Variants in AIFM3 observed in about 807,000 individuals in gnomAD.
AIFM3 encodes the protein AIF family member 3.
AIFM3 carries 71 observed loss-of-function variants against 82.7 expected under a neutral mutation model. The ratio of observed to expected loss-of-function variants is 0.86; its 90% CI spans 0.71 to 1.05. The LOEUF is 1.05. AIFM3 is among the 50% of genes least tolerant of loss of function. The pLI is 0.00. For missense variants in AIFM3, 748 were observed against 816.7 expected, an observed-to-expected ratio of 0.92 and a Z score of 1.03; for synonymous variants, 337 against 329.1, an observed-to-expected ratio of 1.02 and a Z score of -0.26.
In AIFM3 at chr22:20,979,384, T is replaced by C; in HGVS notation, c.1576+15T>C. Reference sequence around the variant, plus strand: ...GCGCTACGCGGGTAACCCCGGGGCCTCGGATGGGGGCGGGGCCGAGGGCGT... The same window carrying C: ...GCGCTACGCGGGTAACCCCGGGGCCCCGGATGGGGGCGGGGCCGAGGGCGT... On this transcript the variant is annotated intron_variant, in intron 17 of 20. Coordinates refer to ENST00000440238, the MANE Select transcript of AIFM3 (RefSeq NM_001386814.1). 2 of 1,463,968 alleles carry C rather than the reference T, an allele frequency of 1.4e-6. No homozygotes were observed. The highest frequency in any genetic ancestry group is 1.8e-6 in the Non-Finnish European group (2 of 1,097,440). The allele number at this position is 1,463,968 out of a possible 1,614,324, so 90.7% of individuals were successfully genotyped here.
chr22:20,969,394 G>T (rs1319591582), intron 2 of AIFM3, among the ~76,000 whole-genome samples: 2 of 152,056 alleles, frequency 1.3e-5, no homozygotes, highest in African/African-American at 4.8e-5. Flanking sequence ...TGGGGCTGTT[G>T]TGCCTAGCAT....
At position 20,981,272 on chromosome 22, in the gene AIFM3, T is replaced by C; in HGVS notation, c.*241T>C. 1.7e-6 allele frequency: 1 copy of C among 572,744 alleles called. No individual in the cohort carries two copies. Among genetic ancestry groups the C allele is most frequent in the South Asian group, 2.0e-5 (1 of 50,074 alleles). 35.5% of individuals were successfully genotyped at this position (572,744 alleles called of 1,614,324 possible). A position where few individuals can be genotyped will look rare whatever the true frequency, so the allele number is the denominator to read the frequency against. On this transcript the variant is annotated 3_prime_UTR_variant, in exon 21 of 21. Transcript: ENST00000440238. ...CACTGGAGGCAGGACAAGCCCTGCC[T>C]CTTCTCCCTCTATTGGGACTGGTCC... is the stretch of plus-strand genomic sequence containing the variant.
chr22:20,978,145 C>G, intron 16 of AIFM3, 140 bp downstream of exon 16: 1 of 806,000 alleles, frequency 1.2e-6, no homozygotes, highest in Admixed American at 2.1e-5. Context: ...CTCTGGCCAG[C>G]CTCATCTCGG....
chr22:20,974,876 A>G (rs955931563), intron 8 of AIFM3, 60 bp downstream of exon 8: 15 of 1,565,412 alleles, frequency 9.6e-6, no homozygotes, highest in Non-Finnish European at 1.3e-5. Context: ...AGCCCACTTC[A>G]AGCCTTGCTT....
chr22:20,974,278 C>G lies in AIFM3; in HGVS notation c.492C>G (p.Tyr164Ter). 2 of 1,613,678 alleles carry G rather than the reference C, an allele frequency of 1.2e-6. No individual in the cohort carries two copies. The highest frequency in any genetic ancestry group is 1.1e-5 in the South Asian group (1 of 91,034). ...TGAAGATTGAGAAGGAGAAGGTGTACGTCCGGGCCAGCAAGCAGGTGAGGG... is the reference window on the plus strand; with the variant it reads ...TGAAGATTGAGAAGGAGAAGGTGTAGGTCCGGGCCAGCAAGCAGGTGAGGG... ...FQVKIEKEKV[Y>*]VRASKQALQL... Residue 164 changes from tyrosine (Y) to a stop codon, truncating the protein, a stop_gained, in exon 6 of 21, where the codon TAC becomes TAG. Transcript: ENST00000440238. LOFTEE classifies it high-confidence loss of function.
intron 8 of AIFM3, among the ~76,000 whole-genome samples, 188 bp downstream of exon 8, chr22:20,975,004 C>G (rs964011578): frequency 6.6e-6 from 1 of 152,198 alleles, no homozygotes; most frequent in Admixed American, 6.5e-5. Flanking sequence ...ACTCTGTCGC[C>G]CAGGCTGGGA....
At chr22:20,974,199 G>C in intron 5 of AIFM3, 27 bp downstream of exon 5, 1 of 1,606,402 alleles carries the variant, frequency 6.2e-7, no homozygotes, top group Non-Finnish European at 8.5e-7. Context: ...GATGGGGTGG[G>C]AACCTGGGGG....
In AIFM3 at chr22:20,967,298, G is replaced by A. The variant is rs1963503421; in HGVS notation, c.-146G>A. 6.6e-6 allele frequency: 1 copy of A among 152,486 alleles called. No individual in the cohort carries two copies. Among genetic ancestry groups the A allele is most frequent in the African/African-American group, 2.4e-5 (1 of 41,430 alleles). 9.4% of individuals were successfully genotyped at this position (152,486 alleles called of 1,614,324 possible). On this transcript the variant is annotated 5_prime_UTR_variant, in exon 1 of 21. Transcript: ENST00000440238. Reference sequence around the variant, plus strand: ...GAACACGGAGCAGTGGCTGCCCTGCGAGGAGGTGGGTGTCCGGAGTGCTAG... The same window carrying A: ...GAACACGGAGCAGTGGCTGCCCTGCAAGGAGGTGGGTGTCCGGAGTGCTAG...
intron 8 of AIFM3, 142 bp from the exon 9 acceptor site, chr22:20,975,550 A>G (rs1923584607): frequency 1.3e-6 from 1 of 745,086 alleles, no homozygotes; most frequent in Non-Finnish European, 2.3e-6. Flanking sequence ...GATCACAGGC[A>G]TGAGTCACTG....
chr22:20,975,199 T>G (rs1250024893), intron 8 of AIFM3, among the ~76,000 whole-genome samples: 1 of 151,430 alleles, frequency 6.6e-6, no homozygotes, highest in Non-Finnish European at 1.5e-5. Context: ...ACTCCTGAGC[T>G]CAGCCCATCC....
intron 3 of AIFM3, 94 bp from the exon 4 acceptor site, chr22:20,973,664 T>G: frequency 7.1e-7 from 1 of 1,414,106 alleles, no homozygotes; most frequent in South Asian, 1.4e-5. Flanking sequence ...TCTACCGGTC[T>G]GGGCCTGCTC....
Position 20,977,801 on chromosome 22 carries a change from G to A in AIFM3, c.1359+25G>A, listed in dbSNP as rs1236356515. ...GGTGGGGTGGATGGCACTGGGTGGGGAGGACCCGGTGCTGGGCTGGGAGTG... is the reference window on the plus strand; with the variant it reads ...GGTGGGGTGGATGGCACTGGGTGGGAAGGACCCGGTGCTGGGCTGGGAGTG... On this transcript the variant is annotated intron_variant, in intron 15 of 20. Coordinates refer to ENST00000440238, the MANE Select transcript of AIFM3 (RefSeq NM_001386814.1). 4 of 1,614,006 alleles carry A rather than the reference G, an allele frequency of 2.5e-6. No individual in the cohort carries two copies. The South Asian group carries it at 3.3e-5, about 13-fold the overall frequency.
At chr22:20,973,046 C>CAA (rs3045996) in intron 2 of AIFM3, among the ~76,000 whole-genome samples, 96,455 of 144,468 alleles carry the variant, frequency 0.67, 35,225 homozygotes, top group Non-Finnish European at 0.84. Flanking sequence ...GACCCTGTCT[C>CAA]AAAAAAAAAA....
In AIFM3 at chr22:20,981,007, C is replaced by T. The variant is rs1253091012; in HGVS notation, c.1794C>T (p.Ser598=). ...ACTCCTGCAGGACTGGCGACATGTC[C>T]TGGCTTACGGGGAAAGGATCCTGAG... ...FVLHSKTGDM[S]WLTGKGS The change falls in exon 21 of 21, where the codon TCC becomes TCT. Residue 598 remains serine (S), a synonymous_variant. Transcript: ENST00000440238. 1.2e-6 allele frequency: 2 copies of T among 1,614,210 alleles called. No individual in the cohort carries two copies. The highest frequency in any genetic ancestry group is 1.7e-6 in the Non-Finnish European group (2 of 1,180,028).
intron 14 of AIFM3, 73 bp from the exon 15 acceptor site, chr22:20,977,627 T>C: frequency 1.3e-6 from 2 of 1,578,426 alleles, no homozygotes; most frequent in East Asian, 2.2e-5. Context: ...ATCAAGCGCA[T>C]GCTGTAGGGT....
chr22:20,975,816 A>C, intron 9 of AIFM3, 38 bp downstream of exon 9: 1 of 1,602,852 alleles, frequency 6.2e-7, no homozygotes, highest in Non-Finnish European at 8.5e-7. Flanking sequence ...CCGAGGAGGG[A>C]AGGTGGGAAC....
rs373473269 is a variant in AIFM3, at chr22:20,976,717, C to T, written c.1097C>T (p.Thr366Met). Residue 366 changes from threonine (T) to methionine (M), a missense_variant, in exon 12 of 21, where the codon ACG becomes ATG. Around this residue, in one of 5 missense-constraint regions of AIFM3, gnomAD observed 393 missense variants for 481.1 expected, o/e 0.82. Coordinates refer to ENST00000440238, the MANE Select transcript of AIFM3 (RefSeq NM_001386814.1). ...GTGTCTGTGGTGGAGCTGGAGGAGACGCCCTTCAGGAGGTTCCTGGGGGAG... is the reference window on the plus strand; with the variant it reads ...GTGTCTGTGGTGGAGCTGGAGGAGATGCCCTTCAGGAGGTTCCTGGGGGAG... ...HSVSVVELEE[T>M]PFRRFLGERV... is the part of the protein sequence containing the mutation. The T allele has an allele frequency of 6.1e-5, 98 of 1,609,192 alleles. No homozygotes were observed. The East Asian group carries it at 7.2e-4, about 12-fold the overall frequency.
intron 2 of AIFM3, among the ~76,000 whole-genome samples, chr22:20,968,759 C>T (rs1051794020): frequency 2.6e-5 from 4 of 152,088 alleles, no homozygotes; most frequent in African/African-American, 7.2e-5. Flanking sequence ...ACCTCAAGAG[C>T]GCAGCCAGTG....
At chr22:20,971,992 G>A (rs1923298369) in intron 2 of AIFM3, among the ~76,000 whole-genome samples, 1 of 150,556 alleles carries the variant, frequency 6.6e-6, no homozygotes, top group Non-Finnish European at 1.5e-5. Context: ...TGCCCCCTCT[G>A]TGCCATCCAC....
Sources: allele counts gnomAD v4.1 joint callset (sites outside exome capture counted in the v4.1 genomes callset), GRCh38; gene constraint gnomAD v4.1.1; regional missense constraint gnomAD v4.1.1; transcripts MANE v1.5; gene names NCBI Gene and HGNC (gene_info 2026-07-23, HGNC 2026-07-21).